Variants in ATXN1 observed in about 807,000 individuals in gnomAD.
ATXN1 encodes ataxin 1.
A neutral mutation model predicts 56.4 loss-of-function variants in ATXN1; 8 were observed. The ratio of observed to expected loss-of-function variants is 0.14; its 90% CI spans 0.08 to 0.26. The LOEUF (loss-of-function observed/expected upper bound fraction) is 0.26, where lower values mean the gene tolerates loss of function less well. Among genes scored for constraint, ATXN1 ranks in the 10% least tolerant of loss-of-function variants. ATXN1 has a pLI of 1.00. For missense variants in ATXN1, 987 were observed against 1,106.5 expected (o/e 0.89, Z 1.53); for synonymous variants, 514 against 494.6 (o/e 1.04, Z -0.52).
chr6:16,428,297 T>G (rs986078512), intron 6 of ATXN1, among the ~76,000 whole-genome samples: 3 of 151,888 alleles, frequency 2.0e-5, no homozygotes, highest in Non-Finnish European at 4.4e-5. Flanking sequence ...TTTTGTGTTT[T>G]TAGTTGCGAC....
intron 2 of ATXN1, among the ~76,000 whole-genome samples, chr6:16,689,810 T>C (rs775924085): frequency 5.9e-5 from 9 of 152,300 alleles, no homozygotes; most frequent in Middle Eastern, 3.4e-3. Context: ...AATACCTTAT[T>C]ATGAGGGCTA....
intron 2 of ATXN1, among the ~76,000 whole-genome samples, chr6:16,721,052 G>C (rs1267380704): frequency 2.6e-5 from 4 of 152,182 alleles, no homozygotes; most frequent in African/African-American, 9.7e-5. Flanking sequence ...AGGATAACCA[G>C]CTCCCCCGTT....
At chr6:16,314,394 T>C (rs1760465128) in intron 7 of ATXN1, among the ~76,000 whole-genome samples, 1 of 152,172 alleles carries the variant, frequency 6.6e-6, no homozygotes, top group African/African-American at 2.4e-5. Flanking sequence ...TGAGAATATA[T>C]ATCATCAAAT....
At chr6:16,562,426 G>C (rs552141989) in intron 4 of ATXN1, among the ~76,000 whole-genome samples, 2 of 136,238 alleles carry the variant, frequency 1.5e-5, no homozygotes, top group East Asian at 4.5e-4. Context: ...ATGGGGAAGG[G>C]GAAGGAGAAG....
At chr6:16,718,808 G>C (rs796325491) in intron 2 of ATXN1, among the ~76,000 whole-genome samples, 3 of 152,170 alleles carry the variant, frequency 2.0e-5, no homozygotes. Context: ...TGCATTGTAC[G>C]CACAGATGTG....
At chr6:16,583,539 C>T (rs1762565095) in intron 4 of ATXN1, among the ~76,000 whole-genome samples, 1 of 151,996 alleles carries the variant, frequency 6.6e-6, no homozygotes, top group Non-Finnish European at 1.5e-5. Context: ...TTAGTAATGA[C>T]GGGAAGAGAT....
At chr6:16,667,327 C>G (rs994868528) in intron 2 of ATXN1, 1 of 152,230 alleles carries the variant, frequency 6.6e-6, no homozygotes, top group Non-Finnish European at 1.5e-5. Context: ...ATTCCACAAT[C>G]ATGAAACATC....
At chr6:16,703,133 A>G (rs1184998401) in intron 2 of ATXN1, among the ~76,000 whole-genome samples, 1 of 152,180 alleles carries the variant, frequency 6.6e-6, no homozygotes, top group African/African-American at 2.4e-5. Context: ...CATACACACC[A>G]GGGAATACTA....
intron 6 of ATXN1, among the ~76,000 whole-genome samples, chr6:16,382,904 G>C (rs1301384483): frequency 6.6e-6 from 1 of 151,944 alleles, no homozygotes; most frequent in Admixed American, 6.6e-5. Flanking sequence ...GTGAATGGGA[G>C]GGGGGGAGTG....
chr6:16,655,390 C>T (rs1478544281), intron 3 of ATXN1, among the ~76,000 whole-genome samples: 2 of 152,130 alleles, frequency 1.3e-5, no homozygotes, highest in African/African-American at 2.4e-5. Context: ...GGCATGGTGG[C>T]GCGTGCCTGT....
At chr6:16,341,471 G>T (rs561014885) in intron 6 of ATXN1, among the ~76,000 whole-genome samples, 2 of 151,232 alleles carry the variant, frequency 1.3e-5, no homozygotes, top group South Asian at 4.2e-4. Context: ...TGCACCAGGG[G>T]ATTCTAATTT....
chr6:16,368,877 A>G (rs920767973), intron 6 of ATXN1, among the ~76,000 whole-genome samples: 2 of 152,254 alleles, frequency 1.3e-5, no homozygotes, highest in African/African-American at 4.8e-5. Context: ...ATTTGGGTGA[A>G]AAGTCAGTAT....
chr6:16,475,461 G>A (rs1464765870), intron 6 of ATXN1, among the ~76,000 whole-genome samples: 1 of 152,176 alleles, frequency 6.6e-6, no homozygotes, highest in Non-Finnish European at 1.5e-5. Context: ...TTATTAGGGA[G>A]CAATCACTGG....
rs1760015626 is a variant in ATXN1, at chr6:16,299,142, A to G, written c.*7187T>C. 6.5e-6 allele frequency: 1 copy of G among 152,700 alleles called. No homozygotes were observed. The highest frequency in any genetic ancestry group is 1.9e-4 in the East Asian group (1 of 5,206). 9.5% of individuals were successfully genotyped at this position (152,700 alleles called of 1,614,324 possible). A position where few individuals can be genotyped will look rare whatever the true frequency, so the allele number is the denominator to read the frequency against. On this transcript the variant is annotated 3_prime_UTR_variant, in exon 8 of 8. Coordinates refer to ENST00000436367, the MANE Select transcript of ATXN1 (RefSeq NM_001128164.2). ...TTGGCACTGTTATTTTATTAGTACG[A>G]GTATACTGAAACAATAAACTTGTAC... is the stretch of plus-strand genomic sequence containing the variant.
At chr6:16,342,459 T>C (rs933371269) in intron 6 of ATXN1, among the ~76,000 whole-genome samples, 6 of 152,136 alleles carry the variant, frequency 3.9e-5, no homozygotes, top group Non-Finnish European at 7.4e-5. Flanking sequence ...GGAAAACATT[T>C]TGGCAGTTCC....
At chr6:16,671,332 C>T (rs559935097) in intron 2 of ATXN1, among the ~76,000 whole-genome samples, 5 of 139,440 alleles carry the variant, frequency 3.6e-5, no homozygotes, top group South Asian at 2.2e-4. Flanking sequence ...TTTGCAGTAA[C>T]GTAACAGAAT....
chr6:16,759,312 A>G (rs1490129572), intron 1 of ATXN1, among the ~76,000 whole-genome samples: 1 of 152,254 alleles, frequency 6.6e-6, no homozygotes, highest in Non-Finnish European at 1.5e-5. Context: ...GCAGGGAGAA[A>G]GCCACTGTAA....
intron 2 of ATXN1, chr6:16,739,647 T>C: frequency 5.7e-6 from 2 of 350,478 alleles, no homozygotes; most frequent in South Asian, 4.1e-5. Flanking sequence ...TCCTGGCCAT[T>C]AATGACTAAG....
At chr6:16,743,667 C>T (rs1268147807) in intron 2 of ATXN1, among the ~76,000 whole-genome samples, 1 of 152,046 alleles carries the variant, frequency 6.6e-6, no homozygotes, top group Non-Finnish European at 1.5e-5. Flanking sequence ...CTATGGGAAC[C>T]CAGAAAAGGT....
Sources: gnomAD v4.1 joint callset for allele counts (sites outside exome capture counted in the v4.1 genomes callset) on GRCh38, gnomAD v4.1.1 for gene constraint, MANE v1.5 for transcripts, NCBI Gene and HGNC (gene_info 2026-07-23, HGNC 2026-07-21) for gene names.